The following TATDN1 variants were observed in gnomAD, a reference collection of about 807,000 sequenced individuals.
TATDN1 encodes the protein deoxyribonuclease TATDN1.
Under a neutral mutation model 46.4 loss-of-function variants are expected in TATDN1, and 40 were observed. The observed-to-expected ratio is 0.86, with a 90% CI of 0.67 to 1.12. The LOEUF (loss-of-function observed/expected upper bound fraction) is 1.12. Among genes scored for constraint, TATDN1 ranks in the 50% most tolerant of loss-of-function variants. The pLI is 0.00. For synonymous variants in TATDN1, 95 were observed against 105.6 expected (o/e 0.90, Z 0.62); for missense variants, 326 against 348.4 (o/e 0.94, Z 0.51).
rs761578243 is a variant in TATDN1 at position 124,508,646 on chromosome 8, T to A, written c.432A>T (p.Leu144Phe). The change falls in exon 7 of 12, where the codon TTA (leucine) becomes TTT (phenylalanine). Residue 144 changes from leucine (L) to phenylalanine (F), a missense_variant. Leu to Phe is a conservative substitution (Grantham distance 22, BLOSUM62 0). Transcript: ENST00000276692. Reference protein sequence around the residue: ...KQFELSEQTKLPMFLHCRNSH... With the variant: ...KQFELSEQTKFPMFLHCRNSH... ...AGTTTCGACAATGAAGAAACATTGG[T>A]AATTTTGTTTGTTCTGACAGTTCAA... 17 of 1,599,228 alleles carry A rather than the reference T, an allele frequency of 1.1e-5. No individual in the cohort carries two copies. Among genetic ancestry groups the A allele is most frequent in the Admixed American group, 1.7e-5 (1 of 57,940 alleles).
At chr8:124,500,940 T>C (rs933518313) in intron 9 of TATDN1, among the ~76,000 whole-genome samples, 2 of 152,022 alleles carry the variant, frequency 1.3e-5, no homozygotes, top group Non-Finnish European at 2.9e-5. Context: ...CAAACAAACC[T>C]AGAAGTAGAT....
At chr8:124,495,071 A>G (rs1256328255) in intron 10 of TATDN1, 1 of 169,942 alleles carries the variant, frequency 5.9e-6, no homozygotes, top group Non-Finnish European at 1.2e-5. Context: ...TACTAAACCA[A>G]TATAAATTGT....
intron 1 of TATDN1, among the ~76,000 whole-genome samples, chr8:124,535,593 G>A (rs540168392): frequency 1.3e-5 from 2 of 152,308 alleles, no homozygotes; most frequent in African/African-American, 4.8e-5. Context: ...GAGCACAAAA[G>A]AGTAGCCTCA....
intron 8 of TATDN1, among the ~76,000 whole-genome samples, 171 bp downstream of exon 8, chr8:124,508,303 G>A (rs999845603): frequency 1.3e-5 from 2 of 152,112 alleles, no homozygotes; most frequent in Non-Finnish European, 2.9e-5. Context: ...AAATAATTTT[G>A]TGCGTGAAAC....
rs999867033 is a variant in TATDN1 at position 124,493,953 on chromosome 8, G to A, written c.671C>T (p.Pro224Leu). 1.2e-6 allele frequency: 2 copies of A among 1,605,562 alleles called. No individual in the cohort carries two copies. The highest frequency in any genetic ancestry group is 8.5e-7 in the Non-Finnish European group (1 of 1,177,770). Residue 224 changes from proline (P) to leucine (L), a missense_variant, in exon 11 of 12, where the codon CCT (proline) becomes CTT (leucine). Physicochemically the swap from Pro to Leu is moderately conservative, Grantham distance 98. Coordinates refer to ENST00000276692, the MANE Select transcript of TATDN1 (RefSeq NM_032026.4). ...SEKLMIETDA[P>L]WCGVKSTHAG... Reference sequence around the variant, plus strand: ...ATGTGTACTTTTGACTCCACACCAAGGTGCATCTAGTTAAGCAAAGAAAGT... The same window carrying A: ...ATGTGTACTTTTGACTCCACACCAAAGTGCATCTAGTTAAGCAAAGAAAGT...
chr8:124,501,982 G>A (rs1818004936), intron 9 of TATDN1, among the ~76,000 whole-genome samples: 1 of 152,160 alleles, frequency 6.6e-6, no homozygotes, highest in Admixed American at 6.5e-5. Context: ...TGATGGGACA[G>A]TATAAATTCT....
At position 124,505,743 on chromosome 8, in the gene TATDN1, T is replaced by C. The variant is rs137919750; in HGVS notation, c.517-1396A>G. Among the ~76,000 whole-genome samples the C allele has an allele frequency of 1.7e-4, 26 of 151,988 alleles. No individual in the cohort carries two copies. The East Asian group carries it at 5.1e-3, about 30-fold the overall frequency. ...GTTCACCTAAACAAGTGACATCACA[T>C]TACTACTGAGTCCAGAGAGCCTGAA... On this transcript the variant is annotated intron_variant, in intron 8 of 11. Transcript: ENST00000276692.
rs540696612 is a variant in TATDN1, at chr8:124,517,425, C to CAAA, written c.202+1390_202+1392dup. On this transcript the variant is annotated intron_variant, in intron 4 of 11. Coordinates refer to ENST00000276692, the MANE Select transcript of TATDN1 (RefSeq NM_032026.4). ...CCTGGGTGATAGAACAAGACTGTCT[C>CAAA]AAAAAAAAAAAAAAAAAGAAAAAGT... Among the ~76,000 whole-genome samples the CAAA allele has an allele frequency of 4.5e-4, 30 of 67,150 alleles. 1 individual carries two copies. The highest frequency in any genetic ancestry group is 1.2e-3 in the Admixed American group (7 of 5,936). The allele number at this position is 67,150 out of a possible 152,430, so 44.1% of individuals were successfully genotyped here.
chr8:124,504,367 A>G lies in TATDN1; in HGVS notation c.517-20T>C. On this transcript the variant is annotated intron_variant, in intron 8 of 11. Coordinates refer to ENST00000276692, the MANE Select transcript of TATDN1 (RefSeq NM_032026.4). ...ATGCACCTGGGGACATACAGGTATA[A>G]GTTTATTATTATAATAATTACTCTT... The G allele has an allele frequency of 6.7e-7, 1 of 1,488,768 alleles. No individual in the cohort carries two copies. 92.2% of individuals were successfully genotyped at this position (1,488,768 alleles called of 1,614,324 possible). A position where few individuals can be genotyped will look rare whatever the true frequency, so the allele number is the denominator to read the frequency against.
At chr8:124,494,017 A>G in intron 10 of TATDN1, 58 bp from the exon 11 acceptor site, 1 of 1,498,060 alleles carries the variant, frequency 6.7e-7, no homozygotes, top group South Asian at 1.4e-5. Context: ...ATTTTTTATG[A>G]CCATTATCTA....
chr8:124,490,289 A>AGAT (rs1405096065), intron 11 of TATDN1: 1 of 152,180 alleles, frequency 6.6e-6, no homozygotes, highest in Non-Finnish European at 1.5e-5. Context: ...TGAGGCAGGC[A>AGAT]GATTGAACTC....
chr8:124,515,308 G>C (rs1342677093), intron 6 of TATDN1, among the ~76,000 whole-genome samples: 1 of 152,110 alleles, frequency 6.6e-6, no homozygotes, highest in South Asian at 2.1e-4. Context: ...TTGAACCCAG[G>C]AGGTGGAGGT....
rs1037293826 is a variant in TATDN1 at position 124,523,020 on chromosome 8, C to G, written c.23-18G>C. On this transcript the variant is annotated intron_variant, in intron 1 of 11. Coordinates refer to ENST00000276692, the MANE Select transcript of TATDN1 (RefSeq NM_032026.4). Reference sequence around the variant, plus strand: ...ACCAATATCTGTAGAAAGCAAAAGTCACTGATTAATTATTGAGTCTCTACA... The same window carrying G: ...ACCAATATCTGTAGAAAGCAAAAGTGACTGATTAATTATTGAGTCTCTACA... 6.2e-7 allele frequency: 1 copy of G among 1,606,228 alleles called. No individual in the cohort carries two copies. The highest frequency in any genetic ancestry group is 1.3e-5 in the African/African-American group (1 of 74,798).
chr8:124,517,126 T>A (rs1166429507), intron 4 of TATDN1, among the ~76,000 whole-genome samples: 9 of 152,216 alleles, frequency 5.9e-5, no homozygotes, highest in Non-Finnish European at 1.2e-4. Flanking sequence ...CTATCTTTAA[T>A]CACTAACAAA....
chr8:124,497,288 C>CTTT (rs750659706), intron 9 of TATDN1, among the ~76,000 whole-genome samples: 2 of 101,168 alleles, frequency 2.0e-5, no homozygotes, highest in African/African-American at 2.9e-5. Context: ...CTTTCTTCTT[C>CTTT]TTTTTTTTTT....
intron 1 of TATDN1, among the ~76,000 whole-genome samples, chr8:124,533,771 C>A (rs1821179038): frequency 6.6e-6 from 1 of 151,970 alleles, no homozygotes; most frequent in Non-Finnish European, 1.5e-5. Flanking sequence ...TTCTGTTCAG[C>A]CAGTTTAGGG....
chr8:124,508,070 G>A (rs756084612), intron 8 of TATDN1, among the ~76,000 whole-genome samples: 1 of 151,852 alleles, frequency 6.6e-6, no homozygotes, highest in Non-Finnish European at 1.5e-5. Context: ...CTGAATTAGG[G>A]GCCATCCTTA....
At chr8:124,525,397 T>G (rs911204575) in intron 1 of TATDN1, among the ~76,000 whole-genome samples, 3 of 152,130 alleles carry the variant, frequency 2.0e-5, no homozygotes, top group South Asian at 4.1e-4. Context: ...TCCACCCACC[T>G]TGGCCTCCCA....
In TATDN1 at chr8:124,533,952, C is replaced by T. The variant is rs374809322; in HGVS notation, c.22+5073G>A. Among the ~76,000 whole-genome samples the T allele has an allele frequency of 1.2e-3, 178 of 151,894 alleles. 2 individuals carry two copies. The highest frequency in any genetic ancestry group is 4.2e-3 in the African/African-American group (172 of 41,422). On this transcript the variant is annotated intron_variant, in intron 1 of 11. Coordinates refer to ENST00000276692, the MANE Select transcript of TATDN1 (RefSeq NM_032026.4). ...ACGAGGTCAGGAGATCGAGACCATC[C>T]TGGCTAACACAGTGAAACCCCGTCT...
Sources: gnomAD v4.1 joint callset for allele counts (sites outside exome capture counted in the v4.1 genomes callset) on GRCh38, gnomAD v4.1.1 for gene constraint, MANE v1.5 for transcripts, NCBI Gene and HGNC (gene_info 2026-07-23, HGNC 2026-07-21) for gene names.